The following ZNF580 variants were observed in gnomAD, a reference collection of about 807,000 sequenced individuals.
The protein encoded by ZNF580 is zinc finger protein 580.
ZNF580 carries 1 observed loss-of-function variant against 1.3 expected under a neutral mutation model. The observed-to-expected ratio is 0.77, with a 90% CI of 0.27 to 3.65. ZNF580 has a LOEUF of 3.65. Among genes scored for constraint, ZNF580 ranks in the 30% most tolerant of loss-of-function variants. The probability of loss-of-function intolerance (pLI) is 0.19; values close to 1 mark genes in which losing one functional copy is unlikely to be tolerated. For synonymous variants in ZNF580, 135 were observed against 128.8 expected (o/e 1.05, Z -0.32); for missense variants, 268 against 272.3 (o/e 0.98, Z 0.11).
rs1982595831 is a variant in ZNF580, at chr19:55,642,704, A to G, written c.196A>G (p.Thr66Ala). 6.7e-7 allele frequency: 1 copy of G among 1,485,300 alleles called. No individual in the cohort carries two copies. The highest frequency in any genetic ancestry group is 8.9e-7 in the Non-Finnish European group (1 of 1,117,824). 92.0% of individuals were successfully genotyped at this position (1,485,300 alleles called of 1,614,324 possible). Residue 66 changes from threonine to alanine, a missense_variant, in exon 2 of 2, where the codon ACG becomes GCG. Coordinates refer to ENST00000325333, the MANE Select transcript of ZNF580 (RefSeq NM_207115.2). ...IDANGVPYTY[T>A]VQLEEEPRGP... ...CGCCAATGGGGTCCCCTACACATAC[A>G]CGGTGCAGCTGGAGGAGGAGCCCCG... is the stretch of plus-strand genomic sequence containing the variant.
rs1982592349 is a variant in ZNF580, at chr19:55,642,666, A to G, written c.158A>G (p.His53Arg). 7.1e-7 allele frequency: 1 copy of G among 1,410,994 alleles called. No individual in the cohort carries two copies. The highest frequency in any genetic ancestry group is 9.3e-7 in the Non-Finnish European group (1 of 1,078,686). The allele number at this position is 1,410,994 out of a possible 1,614,324, so 87.4% of individuals were successfully genotyped here. Residue 53 changes from histidine to arginine, a missense_variant, in exon 2 of 2, where the codon CAC (histidine) becomes CGC (arginine). By Grantham distance (29) the His-to-Arg change is conservative. This residue lies in a region of ZNF580 where 225 missense variants were observed against 201.7 expected (regional missense o/e 1.12). Transcript: ENST00000325333. The stretch of plus-strand genomic sequence containing the variant: ...CCCCGACCCCCGCGGCTGGGCCGCC[A>G]CCTCCTCATCGACGCCAATGGGGTC... Reference protein sequence around the residue: ...AGPRPPRLGRHLLIDANGVPY... With the variant: ...AGPRPPRLGRRLLIDANGVPY...
intron 1 of ZNF580, 128 bp downstream of exon 1, chr19:55,641,311 G>C (rs1158397072): frequency 1.6e-6 from 1 of 608,908 alleles, no homozygotes; most frequent in African/African-American, 2.0e-5. Flanking sequence ...CGGGCGGAGG[G>C]ACGGGAGGGG....
rs772662417 is a variant in ZNF580, at chr19:55,642,525, C to T, written c.17C>T (p.Pro6Leu). 6.9e-7 allele frequency: 1 copy of T among 1,439,932 alleles called. No homozygotes were observed. The highest frequency in any genetic ancestry group is 9.1e-7 in the Non-Finnish European group (1 of 1,099,062). 89.2% of individuals were successfully genotyped at this position (1,439,932 alleles called of 1,614,324 possible). The change falls in exon 2 of 2, where the codon CCG becomes CTG. Residue 6 changes from proline (P) to leucine (L), a missense_variant. Pro to Leu is a moderately conservative substitution (Grantham distance 98). Coordinates refer to ENST00000325333, the MANE Select transcript of ZNF580 (RefSeq NM_207115.2). ...CCGCTCCAGATGCTGCTGCTGCCGC[C>T]GCGGCCACCCCACCCTCGGTCCTCC... is the stretch of plus-strand genomic sequence containing the variant. MLLLPPRPPHPRSSSP... is the reference protein window; with the variant it reads MLLLPLRPPHPRSSSP...
In ZNF580 at chr19:55,643,245, C is replaced by T. The variant is rs2123632705; in HGVS notation, c.*218C>T. The stretch of plus-strand genomic sequence containing the variant: ...CCAAAGTCGTTGCCCCTCCCTGGGC[C>T]TGGGAACCAGTCGGAACTGGGTTCC... On this transcript the variant is annotated 3_prime_UTR_variant, in exon 2 of 2. Coordinates refer to ENST00000325333, the MANE Select transcript of ZNF580 (RefSeq NM_207115.2). 1.4e-6 allele frequency: 1 copy of T among 717,832 alleles called. No homozygotes were observed. The highest frequency in any genetic ancestry group is 3.5e-5 in the East Asian group (1 of 28,786). The allele number at this position is 717,832 out of a possible 1,614,324, so 44.5% of individuals were successfully genotyped here. A position where few individuals can be genotyped will look rare whatever the true frequency, so the allele number is the denominator to read the frequency against.
At chr19:55,642,401 G>GTAAC in intron 1 of ZNF580, 96 bp from the exon 2 acceptor site, 2 of 1,345,578 alleles carry the variant, frequency 1.5e-6, no homozygotes, top group Non-Finnish European at 1.9e-6. Flanking sequence ...CGCACAAAGG[G>GTAAC]TAACAAGCAG....
Position 55,642,945 on chromosome 19 carries a change from C to G in ZNF580, c.437C>G (p.Ala146Gly). Residue 146 changes from alanine to glycine, a missense_variant, in exon 2 of 2, where the codon GCC (alanine) becomes GGC (glycine). By Grantham distance (60) the Ala-to-Gly change is moderately conservative. This residue lies in a region of ZNF580 where 43 missense variants were observed against 70.5 expected (regional missense o/e 0.61). Coordinates refer to ENST00000325333, the MANE Select transcript of ZNF580 (RefSeq NM_207115.2). ...SRHRATHRAR[A>G]GPPHTCPLCP... The stretch of plus-strand genomic sequence containing the variant: ...CATCGCGCCACGCACCGCGCCCGCG[C>G]CGGGCCGCCGCACACCTGCCCGCTC... 7.0e-7 allele frequency: 1 copy of G among 1,438,536 alleles called. No individual in the cohort carries two copies. The highest frequency in any genetic ancestry group is 9.1e-7 in the Non-Finnish European group (1 of 1,098,538). 89.1% of individuals were successfully genotyped at this position (1,438,536 alleles called of 1,614,324 possible).
Position 55,643,113 on chromosome 19 carries a change from C to CTGT in ZNF580, c.*86_*87insTGT. ...GCGTCACTCACTCCCACACACACCC[C>CTGT]CTGGCTCTGCTGAGGTTACTGCCTT... On this transcript the variant is annotated 3_prime_UTR_variant, in exon 2 of 2. Coordinates refer to ENST00000325333, the MANE Select transcript of ZNF580 (RefSeq NM_207115.2). 1 of 1,305,876 alleles carries CTGT rather than the reference C, an allele frequency of 7.7e-7. No homozygotes were observed. Among genetic ancestry groups the CTGT allele is most frequent in the Non-Finnish European group, 9.8e-7 (1 of 1,022,680 alleles). 80.9% of individuals were successfully genotyped at this position (1,305,876 alleles called of 1,614,324 possible).
chr19:55,642,900 G>A lies in ZNF580; in HGVS notation c.392G>A (p.Arg131His), dbSNP rs1475057091. The change falls in exon 2 of 2, where the codon CGC (arginine) becomes CAC (histidine). Residue 131 changes from arginine to histidine, a missense_variant. Coordinates refer to ENST00000325333, the MANE Select transcript of ZNF580 (RefSeq NM_207115.2). ...GGCGCCTGCGGCAAGGCCTTCAAGC[G>A]CTCCAGCCACCTGTCGCGGCATCGC... is the stretch of plus-strand genomic sequence containing the variant. ...TCGACGKAFK[R>H]SSHLSRHRAT... The A allele has an allele frequency of 1.3e-6, 2 of 1,546,794 alleles. No homozygotes were observed. The highest frequency in any genetic ancestry group is 1.4e-5 in the African/African-American group (1 of 70,620).
intron 1 of ZNF580, 72 bp from the exon 2 acceptor site, chr19:55,642,425 G>T (rs1982564142): frequency 7.2e-7 from 1 of 1,396,458 alleles, no homozygotes; most frequent in African/African-American, 1.5e-5. Context: ...TAGTGGGGAT[G>T]CTTTCCATTT....
rs757469066 is a variant in ZNF580 at position 55,642,933 on chromosome 19, A to ACCGCGC, written c.433_438dup (p.Arg145_Ala146dup). ...CACCTGTCGCGGCATCGCGCCACGC[A>ACCGCGC]CCGCGCCCGCGCCGGGCCGCCGCAC... On this transcript the variant is annotated inframe_insertion, in exon 2 of 2. Coordinates refer to ENST00000325333, the MANE Select transcript of ZNF580 (RefSeq NM_207115.2). The ACCGCGC allele has an allele frequency of 8.9e-6, 13 of 1,465,196 alleles. No homozygotes were observed. Among genetic ancestry groups the ACCGCGC allele is most frequent in the African/African-American group, 1.5e-5 (1 of 67,708 alleles). 90.8% of individuals were successfully genotyped at this position (1,465,196 alleles called of 1,614,324 possible).
At position 55,642,503 on chromosome 19, in the gene ZNF580, C is replaced by A. The variant is rs1450371014; in HGVS notation, c.-6C>A. On this transcript the variant is annotated 5_prime_UTR_variant, in exon 2 of 2. Transcript: ENST00000325333. ...TCCCCTCCGCCGCTCCCAGCTGCCG[C>A]TCCAGATGCTGCTGCTGCCGCCGCG... The A allele has an allele frequency of 1.4e-6, 2 of 1,437,362 alleles. No homozygotes were observed. The highest frequency in any genetic ancestry group is 1.8e-6 in the Non-Finnish European group (2 of 1,098,210). 89.0% of individuals were successfully genotyped at this position (1,437,362 alleles called of 1,614,324 possible). A position where few individuals can be genotyped will look rare whatever the true frequency, so the allele number is the denominator to read the frequency against.
At position 55,642,490 on chromosome 19, in the gene ZNF580, C is replaced by T. The variant is rs777085708; in HGVS notation, c.-12-7C>T. 1.4e-6 allele frequency: 2 copies of T among 1,425,686 alleles called. No individual in the cohort carries two copies. The highest frequency in any genetic ancestry group is 1.8e-6 in the Non-Finnish European group (2 of 1,091,304). 88.3% of individuals were successfully genotyped at this position (1,425,686 alleles called of 1,614,324 possible). A position where few individuals can be genotyped will look rare whatever the true frequency, so the allele number is the denominator to read the frequency against. ...ATTTTAACTAATCTCCCCTCCGCCG[C>T]TCCCAGCTGCCGCTCCAGATGCTGC... On this transcript the variant is annotated splice_polypyrimidine_tract_variant and splice_region_variant and intron_variant, in intron 1 of 1. Coordinates refer to ENST00000325333, the MANE Select transcript of ZNF580 (RefSeq NM_207115.2).
chr19:55,641,031 C>T lies in ZNF580; in HGVS notation c.-165C>T, dbSNP rs939146128. 2 of 985,308 alleles carry T rather than the reference C, an allele frequency of 2.0e-6. No homozygotes were observed. Among genetic ancestry groups the T allele is most frequent in the Non-Finnish European group, 2.4e-6 (2 of 829,886 alleles). 61.0% of individuals were successfully genotyped at this position (985,308 alleles called of 1,614,324 possible). Reference sequence around the variant, plus strand: ...TTTCCCAGGGACTCCGCCAACCCCTCGCACCCCCGCGCCCCCAGTCCCCGC... The same window carrying T: ...TTTCCCAGGGACTCCGCCAACCCCTTGCACCCCCGCGCCCCCAGTCCCCGC... On this transcript the variant is annotated 5_prime_UTR_variant, in exon 1 of 2. Transcript: ENST00000325333.
At position 55,643,195 on chromosome 19, in the gene ZNF580, C is replaced by T. The variant is rs760740711; in HGVS notation, c.*168C>T. On this transcript the variant is annotated 3_prime_UTR_variant, in exon 2 of 2. Coordinates refer to ENST00000325333, the MANE Select transcript of ZNF580 (RefSeq NM_207115.2). ...GGGAGGAGCATCATTCCTTCCTTAC[C>T]CCCTTTCTAGCTGTGTGATGTAGAC... is the stretch of plus-strand genomic sequence containing the variant. The T allele has an allele frequency of 7.7e-6, 9 of 1,167,858 alleles. No homozygotes were observed. In the East Asian group the frequency reaches 1.3e-4, roughly 17 times the overall value. 72.3% of individuals were successfully genotyped at this position (1,167,858 alleles called of 1,614,324 possible).
At position 55,642,589 on chromosome 19, in the gene ZNF580, C is replaced by T. The variant is rs781537900; in HGVS notation, c.81C>T (p.Pro27=). The change falls in exon 2 of 2, where the codon CCC becomes CCT. Residue 27 remains proline (P), a synonymous_variant. Coordinates refer to ENST00000325333, the MANE Select transcript of ZNF580 (RefSeq NM_207115.2). ...TGGACCCACCGCCCCCCAAGGCTCC[C>T]CCTTTCCCCAAGGCGGAAGGCCCCT... ...EAMDPPPPKA[P]PFPKAEGPSS... is the part of the protein sequence containing the mutation. 2.8e-5 allele frequency: 41 copies of T among 1,451,728 alleles called. 1 individual carries two copies. Among genetic ancestry groups the T allele is most frequent in the Non-Finnish European group, 3.5e-5 (39 of 1,102,346 alleles). 89.9% of individuals were successfully genotyped at this position (1,451,728 alleles called of 1,614,324 possible). A position where few individuals can be genotyped will look rare whatever the true frequency, so the allele number is the denominator to read the frequency against.
rs1178442877 is a variant in ZNF580 at position 55,642,918 on chromosome 19, GGCATCGCGCCAC to G, written c.414_425del (p.Thr141_Ala144del). Reference sequence around the variant, plus strand: ...TTCAAGCGCTCCAGCCACCTGTCGCGGCATCGCGCCACGCACCGCGCCCGCGCCGGGCCGCCG... The same window carrying G: ...TTCAAGCGCTCCAGCCACCTGTCGCGGCACCGCGCCCGCGCCGGGCCGCCG... On this transcript the variant is annotated inframe_deletion, in exon 2 of 2. Coordinates refer to ENST00000325333, the MANE Select transcript of ZNF580 (RefSeq NM_207115.2). The G allele has an allele frequency of 3.3e-6, 5 of 1,517,526 alleles. No homozygotes were observed. Among genetic ancestry groups the G allele is most frequent in the Non-Finnish European group, 3.5e-6 (4 of 1,138,390 alleles). The allele number at this position is 1,517,526 out of a possible 1,614,324, so 94.0% of individuals were successfully genotyped here.
intron 1 of ZNF580, chr19:55,642,099 AT>A: frequency 1.0e-6 from 1 of 997,236 alleles, no homozygotes; most frequent in Non-Finnish European, 1.2e-6. Flanking sequence ...GAAACCACAG[AT>A]TAGAGAAATC....
chr19:55,642,857 C>T lies in ZNF580; in HGVS notation c.349C>T (p.Leu117Phe). Residue 117 changes from leucine (L) to phenylalanine (F), a missense_variant, in exon 2 of 2, where the codon CTC (leucine) becomes TTC (phenylalanine). Physicochemically the swap from Leu to Phe is conservative, Grantham distance 22. Transcript: ENST00000325333. ...LQSHRVSHSD[L>F]KPFTCGACGK... is the part of the protein sequence containing the mutation. ...GAGCCACCGCGTGTCGCACTCGGAC[C>T]TCAAGCCCTTCACGTGCGGCGCCTG... 1 of 1,571,778 alleles carries T rather than the reference C, an allele frequency of 6.4e-7. No homozygotes were observed. Among genetic ancestry groups the T allele is most frequent in the Non-Finnish European group, 8.6e-7 (1 of 1,167,700 alleles).
At position 55,643,387 on chromosome 19, in the gene ZNF580, C is replaced by T. The variant is rs1381198047; in HGVS notation, c.*360C>T. The T allele has an allele frequency of 7.5e-6, 2 of 266,580 alleles. No individual in the cohort carries two copies. The highest frequency in any genetic ancestry group is 1.6e-4 in the South Asian group (1 of 6,066). 16.5% of individuals were successfully genotyped at this position (266,580 alleles called of 1,614,324 possible). On this transcript the variant is annotated 3_prime_UTR_variant, in exon 2 of 2. Transcript: ENST00000325333. ...TGCGGGGAAGAGATGATAAAGAGCA[C>T]GGGCACGGTCTGGTTCATTTCTGTA... is the stretch of plus-strand genomic sequence containing the variant.
Sources: gnomAD v4.1 joint callset for allele counts on GRCh38, gnomAD v4.1.1 for gene constraint, gnomAD v4.1.1 regional missense constraint, MANE v1.5 for transcripts, NCBI Gene and HGNC (gene_info 2026-07-23, HGNC 2026-07-21) for gene names.